PLEKHG1: variants seen among roughly 807,000 people sequenced by gnomAD.
The protein encoded by PLEKHG1 is pleckstrin homology and RhoGEF domain containing G1.
Under a neutral mutation model 100.8 loss-of-function variants are expected in PLEKHG1, and 44 were observed. The observed-to-expected ratio is 0.44, with a 90% CI of 0.34 to 0.56. The LOEUF (loss-of-function observed/expected upper bound fraction) is 0.56, where lower values mean the gene tolerates loss of function less well. Ranked by LOEUF, PLEKHG1 falls within the 20% of genes least tolerant of loss-of-function variation. PLEKHG1 has a pLI of 0.01. For synonymous variants in PLEKHG1, 640 were observed against 662.5 expected, an observed-to-expected ratio of 0.97 and a Z score of 0.52; for missense variants, 1,545 against 1,720.9, an observed-to-expected ratio of 0.90 and a Z score of 1.81.
intron 1 of PLEKHG1, among the ~76,000 whole-genome samples, chr6:150,611,072 C>T (rs1351967846): frequency 6.6e-6 from 1 of 152,192 alleles, no homozygotes; most frequent in Non-Finnish European, 1.5e-5. Context: ...GCATATAGAT[C>T]ATGCCATACT....
At chr6:150,828,324 G>T in intron 14 of PLEKHG1, 1 of 1,611,714 alleles carries the variant, frequency 6.2e-7, no homozygotes, top group Non-Finnish European at 8.5e-7. Context: ...AAGACGTGTT[G>T]CTCTCCTCAG....
At chr6:150,643,673 C>T (rs1251208081) in intron 2 of PLEKHG1, among the ~76,000 whole-genome samples, 1 of 152,080 alleles carries the variant, frequency 6.6e-6, no homozygotes, top group African/African-American at 2.4e-5. Context: ...AAATGTGAGC[C>T]GTGTTTCTTG....
rs910744847 is a variant in PLEKHG1 at position 150,683,895 on chromosome 6, G to A, written c.-99+33109G>A. On this transcript the variant is annotated intron_variant, in intron 3 of 3. Transcript: ENST00000367326. This position sits in a 1 kb window ranked among gnomAD's most constrained non-coding sequence, Gnocchi z 4.0. ...GCCTGGGATGGAGGTAAGATGGAGCGATCCTATGGTTTGGCACCTGCAGCC... is the reference window on the plus strand; with the variant it reads ...GCCTGGGATGGAGGTAAGATGGAGCAATCCTATGGTTTGGCACCTGCAGCC... 30 of 1,108,570 alleles carry A rather than the reference G, an allele frequency of 2.7e-5. No homozygotes were observed. Among genetic ancestry groups the A allele is most frequent in the South Asian group, 7.0e-5 (5 of 70,936 alleles). 68.7% of individuals were successfully genotyped at this position (1,108,570 alleles called of 1,614,324 possible).
chr6:150,759,437 C>T (rs1784035357), intron 2 of PLEKHG1, among the ~76,000 whole-genome samples: 1 of 152,028 alleles, frequency 6.6e-6, no homozygotes, highest in Non-Finnish European at 1.5e-5. Flanking sequence ...ATCAGCAAAC[C>T]CCTCCTCCTG....
intron 5 of PLEKHG1, among the ~76,000 whole-genome samples, chr6:150,799,617 G>A (rs936700212): frequency 1.3e-5 from 2 of 152,190 alleles, no homozygotes; most frequent in Non-Finnish European, 2.9e-5. Context: ...CCTTAGAAAT[G>A]TTCCTAGGTT....
Position 150,832,076 on chromosome 6 carries a change from A to T in PLEKHG1, c.2965A>T (p.Lys989Ter), listed in dbSNP as rs1562564631. Residue 989 changes from lysine (K) to a stop codon, truncating the protein, a stop_gained, in exon 15 of 16, where the codon AAG (lysine) becomes TAG (stop). Coordinates refer to ENST00000358517, the Ensembl canonical transcript of PLEKHG1. LOFTEE classifies it high-confidence loss of function. Reference sequence around the variant, plus strand: ...TCGGCAGTACAGTCAGAAGATTAAGAAGGCGAATCAACTTTTAAAAGTGAA... The same window carrying T: ...TCGGCAGTACAGTCAGAAGATTAAGTAGGCGAATCAACTTTTAAAAGTGAA... 1.2e-6 allele frequency: 2 copies of T among 1,614,068 alleles called. No homozygotes were observed. Among genetic ancestry groups the T allele is most frequent in the Admixed American group, 1.7e-5 (1 of 60,008 alleles).
intron 3 of PLEKHG1, among the ~76,000 whole-genome samples, chr6:150,779,664 T>C (rs1583112989): frequency 6.6e-6 from 1 of 151,728 alleles, no homozygotes; most frequent in Middle Eastern, 3.4e-3. Context: ...AGTGTTTCTG[T>C]TGTGCTATGA....
At chr6:150,649,436 T>C (rs1043810137) in intron 2 of PLEKHG1, among the ~76,000 whole-genome samples, 13 of 152,240 alleles carry the variant, frequency 8.5e-5, no homozygotes, top group Non-Finnish European at 1.6e-4. Context: ...CACTCTGAAG[T>C]TTTTCTTTTG....
At chr6:150,721,053 T>G, upstream of PLEKHG1, 3 of 643,636 alleles carry the variant, frequency 4.7e-6, no homozygotes, top group Non-Finnish European at 5.8e-6. Flanking sequence ...AAAGCCTTTG[T>G]GTGTTGGGTT....
chr6:150,679,494 G>A (rs1449585069), intron 3 of PLEKHG1, among the ~76,000 whole-genome samples: 2 of 152,182 alleles, frequency 1.3e-5, no homozygotes, highest in African/African-American at 4.8e-5. Context: ...TTTCCCATGG[G>A]AATGAGTTCA....
At chr6:150,728,481 T>C (rs60749509) in intron 1 of PLEKHG1, among the ~76,000 whole-genome samples, 26,206 of 151,822 alleles carry the variant, frequency 0.17, 3,389 homozygotes, top group African/African-American at 0.36. Context: ...CCCAGCTATT[T>C]GGGAGGCTGA....
intron 2 of PLEKHG1, among the ~76,000 whole-genome samples, chr6:150,758,650 A>G (rs539484184): frequency 1.3e-4 from 20 of 152,294 alleles, no homozygotes; most frequent in African/African-American, 4.6e-4. Flanking sequence ...TTGACTTTTT[A>G]ACAATCGTCA....
At chr6:150,738,366 A>T (rs1292198490) in intron 2 of PLEKHG1, among the ~76,000 whole-genome samples, 1 of 152,192 alleles carries the variant, frequency 6.6e-6, no homozygotes, top group Non-Finnish European at 1.5e-5. Context: ...GTATACACCG[A>T]GTTAAAAAAC....
intron 1 of PLEKHG1, among the ~76,000 whole-genome samples, chr6:150,601,058 G>C (rs1776338771): frequency 2.0e-5 from 3 of 152,190 alleles, no homozygotes. Context: ...GAACAGATTG[G>C]ATACAGAACT....
At chr6:150,759,803 C>G (rs1784056474) in intron 2 of PLEKHG1, among the ~76,000 whole-genome samples, 1 of 151,898 alleles carries the variant, frequency 6.6e-6, no homozygotes, top group African/African-American at 2.4e-5. Context: ...TCAGGAGTCT[C>G]CTGGGCAACA....
Position 150,599,900 on chromosome 6 carries a change from C to T in PLEKHG1, c.-321C>T, listed in dbSNP as rs1189945253. 8.5e-5 allele frequency: 16 copies of T among 188,672 alleles called. No homozygotes were observed. The East Asian group carries it at 2.7e-3, about 31-fold the overall frequency. The allele number at this position is 188,672 out of a possible 1,614,324, so 11.7% of individuals were successfully genotyped here. ...GTCGGAGCCCGAGCCTGAGCCCGAG[C>T]CCGAGCCCGACGGCGGCTGCAGGGC... On this transcript the variant is annotated 5_prime_UTR_variant, in exon 1 of 4. Transcript: ENST00000367326.
At chr6:150,813,990 TTC>T in intron 10 of PLEKHG1, among the ~76,000 whole-genome samples, 1 of 152,210 alleles carries the variant, frequency 6.6e-6, no homozygotes, top group African/African-American at 2.4e-5. Flanking sequence ...GTCTGTTTTG[TTC>T]TCTGTATATT....
At chr6:150,646,233 G>A (rs1198106184) in intron 2 of PLEKHG1, among the ~76,000 whole-genome samples, 1 of 152,054 alleles carries the variant, frequency 6.6e-6, no homozygotes, top group African/African-American at 2.4e-5. Context: ...CAGGATGGCT[G>A]CAGCAGCTCT....
At position 150,618,732 on chromosome 6, in the gene PLEKHG1, T is replaced by C. The variant is rs80305336; in HGVS notation, c.-204+18715T>C. Among the ~76,000 whole-genome samples the C allele has an allele frequency of 5.0e-3, 760 of 152,314 alleles. 7 individuals are homozygous for C. Among genetic ancestry groups the C allele is most frequent in the African/African-American group, 0.018 (731 of 41,566 alleles). ...TGGCTTCAACACCTGGCTTACAAAA[T>C]TTCTGACATTTAACAGCTGGCTCTT... On this transcript the variant is annotated intron_variant, in intron 1 of 3. Coordinates refer to the PLEKHG1 transcript ENST00000367326.
Sources: allele counts gnomAD v4.1 joint callset (sites outside exome capture counted in the v4.1 genomes callset), GRCh38; gene constraint gnomAD v4.1.1; non-coding constraint Gnocchi (gnomAD v3.1); transcripts MANE v1.5; gene names NCBI Gene and HGNC (gene_info 2026-07-23, HGNC 2026-07-21).